The following MYRFL variants were observed in gnomAD, a reference collection of about 807,000 sequenced individuals.
The protein encoded by MYRFL is myelin regulatory factor-like protein.
A neutral mutation model predicts 109.4 loss-of-function variants in MYRFL; 88 were observed. The ratio of observed to expected loss-of-function variants is 0.80; its 90% confidence interval spans 0.68 to 0.96. MYRFL has a LOEUF of 0.96. Ranked by LOEUF, MYRFL falls within the 40% of genes least tolerant of loss-of-function variation. MYRFL has a pLI of 0.00. For synonymous variants in MYRFL, 324 were observed against 320.9 expected, an observed-to-expected ratio of 1.01 and a Z score of -0.10; for missense variants, 957 against 954.9, an observed-to-expected ratio of 1.00 and a Z score of -0.03.
chr12:69,890,919 T>G, intron 6 of MYRFL, 52 bp from the exon 7 acceptor site: 1 of 1,341,986 alleles, frequency 7.5e-7, no homozygotes, highest in Non-Finnish European at 9.7e-7. Context: ...TTAATGAAAA[T>G]AAATATATGG....
intron 10 of MYRFL, among the ~76,000 whole-genome samples, chr12:69,898,193 G>A (rs1314239206): frequency 3.3e-5 from 5 of 152,216 alleles, no homozygotes; most frequent in Non-Finnish European, 5.9e-5. Context: ...TGGGGAAATG[G>A]CATCTCTCCT....
chr12:69,903,963 G>C, intron 11 of MYRFL, 119 bp downstream of exon 11: 1 of 882,688 alleles, frequency 1.1e-6, no homozygotes, highest in African/African-American at 1.7e-5. Flanking sequence ...ACTGGTGTGA[G>C]ATGAACACAC....
chr12:69,870,227 A>ATTT (rs71094744), intron 2 of MYRFL, among the ~76,000 whole-genome samples: 26 of 110,696 alleles, frequency 2.3e-4, no homozygotes, highest in African/African-American at 5.7e-4. Context: ...CGTCTGGCTA[A>ATTT]TTTTTTTTTT....
At chr12:69,935,430 G>A (rs188150778) in intron 16 of MYRFL, among the ~76,000 whole-genome samples, 198 of 152,330 alleles carry the variant, frequency 1.3e-3, no homozygotes, top group African/African-American at 4.6e-3. Context: ...TTGGATGCAT[G>A]AGGATTGTTG....
At chr12:69,881,833 T>C (rs1886135713) in intron 5 of MYRFL, among the ~76,000 whole-genome samples, 1 of 152,242 alleles carries the variant, frequency 6.6e-6, no homozygotes, top group African/African-American at 2.4e-5. Context: ...TCCACCTTCC[T>C]ATGCAATGCT....
chr12:69,890,410 G>GA (rs746298187), intron 6 of MYRFL, among the ~76,000 whole-genome samples: 1 of 152,114 alleles, frequency 6.6e-6, no homozygotes, highest in Non-Finnish European at 1.5e-5. Flanking sequence ...AAGGCAATCT[G>GA]AAAAAAATAA....
chr12:69,863,219 G>A (rs577680592), intron 2 of MYRFL, among the ~76,000 whole-genome samples: 31 of 152,132 alleles, frequency 2.0e-4, no homozygotes, highest in Admixed American at 3.9e-4. Flanking sequence ...CTCTTTTTTG[G>A]TTGTGTCTCT....
intron 1 of MYRFL, among the ~76,000 whole-genome samples, chr12:69,838,524 C>T (rs1485409318): frequency 6.6e-6 from 1 of 152,206 alleles, no homozygotes; most frequent in Non-Finnish European, 1.5e-5. Flanking sequence ...AAATTGTCAG[C>T]TTCTCTTTCC....
chr12:69,826,606 G>A (rs1298394833), intron 1 of MYRFL, among the ~76,000 whole-genome samples: 1 of 151,922 alleles, frequency 6.6e-6, no homozygotes, highest in Non-Finnish European at 1.5e-5. Context: ...TCCCTATACT[G>A]TCCTTGTTTA....
In MYRFL at chr12:69,851,540, T is replaced by C. The variant is rs1181614132; in HGVS notation, c.47-3740T>C. ...TCCCCACAAATTATAAAAGGAGAGC[T>C]TTTACAGTGAGGAAAGCTGGCAGAC... On this transcript the variant is annotated intron_variant, in intron 1 of 24. Coordinates refer to ENST00000552032, the MANE Select transcript of MYRFL (RefSeq NM_182530.3). Among the ~76,000 whole-genome samples the C allele has an allele frequency of 2.6e-5, 4 of 152,292 alleles. No homozygotes were observed. The East Asian group carries it at 7.7e-4, about 29-fold the overall frequency.
intron 10 of MYRFL, 112 bp from the exon 11 acceptor site, chr12:69,903,532 C>A (rs1954256396): frequency 8.5e-7 from 1 of 1,172,742 alleles, no homozygotes; most frequent in Non-Finnish European, 1.2e-6. Flanking sequence ...ATACAGGATT[C>A]TCTTATGAAA....
chr12:69,853,114 C>T (rs892602043), intron 1 of MYRFL, among the ~76,000 whole-genome samples: 21 of 152,186 alleles, frequency 1.4e-4, no homozygotes, highest in Admixed American at 6.5e-4. Context: ...ACCTCCCAGA[C>T]GGGGTGGCGG....
rs760044775 is a variant in MYRFL, at chr12:69,958,673, C to CCAA, written c.*145_*147dup. ...GAAGGACTTTTTCAGGCTTTAGCTT[C>CCAA]CAACAGTTTTGAGACATTAATGAGG... is the stretch of plus-strand genomic sequence containing the variant. On this transcript the variant is annotated 3_prime_UTR_variant, in exon 25 of 25. Transcript: ENST00000552032. The CCAA allele has an allele frequency of 8.0e-6, 5 of 623,606 alleles. No individual in the cohort carries two copies. The highest frequency in any genetic ancestry group is 3.4e-5 in the Admixed American group (1 of 29,770). The allele number at this position is 623,606 out of a possible 1,614,324, so 38.6% of individuals were successfully genotyped here.
intron 13 of MYRFL, among the ~76,000 whole-genome samples, chr12:69,924,191 A>G (rs986097170): frequency 6.7e-5 from 4 of 59,936 alleles, no homozygotes; most frequent in East Asian, 4.3e-4. Context: ...TCCGTCTCAG[A>G]AAAAAAAAAA....
At chr12:69,953,764 G>GACATACACACAC (rs1956035854) in intron 21 of MYRFL, among the ~76,000 whole-genome samples, 1 of 144,180 alleles carries the variant, frequency 6.9e-6, no homozygotes, top group Non-Finnish European at 1.5e-5. Flanking sequence ...GTGCAACCCG[G>GACATACACACAC]ACACACACAC....
At chr12:69,849,831 C>A (rs1342383835) in intron 1 of MYRFL, among the ~76,000 whole-genome samples, 1 of 152,200 alleles carries the variant, frequency 6.6e-6, no homozygotes, top group Non-Finnish European at 1.5e-5. Flanking sequence ...CAATTGCCCT[C>A]AATCCTATAA....
intron 1 of MYRFL, among the ~76,000 whole-genome samples, chr12:69,831,999 A>C (rs1437850939): frequency 6.6e-6 from 1 of 152,100 alleles, no homozygotes; most frequent in Non-Finnish European, 1.5e-5. Flanking sequence ...TAGAAAGGAG[A>C]AATGTTATGT....
At position 69,859,279 on chromosome 12, in the gene MYRFL, G is replaced by A. The variant is rs1187587898; in HGVS notation, c.137+3909G>A. ...GACCCAGAATATGATCTATCTTGGT[G>A]AATGTTACGTATGCACTTGGAAGAA... is the stretch of plus-strand genomic sequence containing the variant. On this transcript the variant is annotated intron_variant, in intron 2 of 24. Coordinates refer to ENST00000552032, the MANE Select transcript of MYRFL (RefSeq NM_182530.3). Among the ~76,000 whole-genome samples, 10 of 152,116 alleles carry A rather than the reference G, an allele frequency of 6.6e-5. No homozygotes were observed. The East Asian group carries it at 1.9e-3, about 29-fold the overall frequency.
intron 9 of MYRFL, among the ~76,000 whole-genome samples, chr12:69,896,247 T>G (rs11177943): frequency 0.32 from 48,286 of 152,006 alleles, 7,951 homozygotes; most frequent in African/African-American, 0.36. Flanking sequence ...GTTGTTTTGG[T>G]GCTCTAAGTA....
Sources: allele counts gnomAD v4.1 joint callset (sites outside exome capture counted in the v4.1 genomes callset), GRCh38; gene constraint gnomAD v4.1.1; transcripts MANE v1.5; gene names NCBI Gene and HGNC (gene_info 2026-07-23, HGNC 2026-07-21).